The following DMD variants were observed in gnomAD, a reference collection of about 807,000 sequenced individuals.
DMD encodes mutant dystrophin.
In DMD, 63 loss-of-function variants were observed where a neutral mutation model predicts 330.1. The observed-to-expected ratio is 0.19, with a 90% confidence interval of 0.16 to 0.24. The LOEUF (loss-of-function observed/expected upper bound fraction) is 0.24, where lower values mean the gene tolerates loss of function less well. Among genes scored for constraint, DMD ranks in the 10% least tolerant of loss-of-function variants. The pLI is 1.00. For missense variants in DMD, 3,344 were observed against 2,684.1 expected (o/e 1.25, Z -5.43); for synonymous variants, 1,223 against 959.8 (o/e 1.27, Z -5.07).
chrX:31,743,112 A>G (rs1044524715), intron 51 of DMD, among the ~76,000 whole-genome samples: 9 of 111,884 alleles, frequency 8.0e-5, no homozygotes, highest in Non-Finnish European at 1.5e-4. Flanking sequence ...ACATCACTCA[A>G]CATCAGAGAA....
chrX:32,569,446 G>C (rs36122067), intron 15 of DMD, among the ~76,000 whole-genome samples: 47,252 of 110,880 alleles, frequency 0.43, 8,548 homozygotes, highest in Non-Finnish European at 0.57. Flanking sequence ...CATCTTGAAA[G>C]AACATCAGAA....
At chrX:31,525,647 T>C (rs1415570503) in intron 55 of DMD, among the ~76,000 whole-genome samples, 1 of 111,972 alleles carries the variant, frequency 8.9e-6, no homozygotes, top group East Asian at 2.8e-4. Flanking sequence ...AGAAAAATAA[T>C]GTACACTTTC....
intron 48 of DMD, among the ~76,000 whole-genome samples, chrX:31,873,926 A>G (rs750756864): frequency 9.0e-6 from 1 of 111,642 alleles, no homozygotes; most frequent in Non-Finnish European, 1.9e-5. Context: ...AGCATCATTT[A>G]CTGGATCCTA....
chrX:31,781,015 T>C (rs932458355), intron 50 of DMD, among the ~76,000 whole-genome samples: 2 of 112,222 alleles, frequency 1.8e-5, no homozygotes, highest in Admixed American at 1.9e-4. Flanking sequence ...TGCTTACATT[T>C]TAATAGATTC....
At chrX:31,892,615 C>G (rs866700698) in intron 47 of DMD, among the ~76,000 whole-genome samples, 1 of 111,959 alleles carries the variant, frequency 8.9e-6, no homozygotes, top group Non-Finnish European at 1.9e-5. Context: ...GTACATATAG[C>G]CTACTACACA....
chrX:33,240,959 A>G (rs1322052128), intron 1 of DMD, among the ~76,000 whole-genome samples: 2 of 111,818 alleles, frequency 1.8e-5, no homozygotes, highest in African/African-American at 6.5e-5. Flanking sequence ...TTGGCTACTA[A>G]CCCCTTATAA....
chrX:33,285,309 TTG>T (rs35975571), intron 1 of DMD, among the ~76,000 whole-genome samples: 3,489 of 106,658 alleles, frequency 0.033, 160 homozygotes, highest in African/African-American at 0.11. Flanking sequence ...ACGAATTCAT[TTG>T]TGTGTGTGTG....
At chrX:33,204,615 C>G (rs933190338) in intron 1 of DMD, among the ~76,000 whole-genome samples, 4 of 111,452 alleles carry the variant, frequency 3.6e-5, no homozygotes, top group Non-Finnish European at 5.6e-5. Context: ...ATTTAATATG[C>G]ACATCCTCCT....
intron 7 of DMD, among the ~76,000 whole-genome samples, chrX:32,804,394 A>G: frequency 8.9e-6 from 1 of 112,490 alleles, no homozygotes; most frequent in Non-Finnish European, 1.9e-5. Flanking sequence ...GTAGCTCAGC[A>G]AAGCCACTGT....
intron 2 of DMD, among the ~76,000 whole-genome samples, chrX:32,943,687 C>T (rs1393710321): frequency 9.0e-6 from 1 of 111,708 alleles, no homozygotes; most frequent in Non-Finnish European, 1.9e-5. Flanking sequence ...CCTGGAAATG[C>T]AATTGCTTAG....
intron 1 of DMD, among the ~76,000 whole-genome samples, chrX:33,236,093 T>G (rs2052475664): frequency 9.5e-6 from 1 of 104,781 alleles, no homozygotes; most frequent in Non-Finnish European, 1.9e-5. Context: ...TTTTTTTGTA[T>G]TTTTAGTAGA....
chrX:33,327,447 G>T (rs2054104866), intron 1 of DMD, among the ~76,000 whole-genome samples: 2 of 111,760 alleles, frequency 1.8e-5, no homozygotes, highest in Admixed American at 1.9e-4. Context: ...CTAAATGCAA[G>T]AAAAGTTTAG....
At chrX:32,128,347 T>A (rs2096671807) in intron 44 of DMD, among the ~76,000 whole-genome samples, 1 of 112,019 alleles carries the variant, frequency 8.9e-6, no homozygotes, top group South Asian at 3.7e-4. Flanking sequence ...AAATGGCATT[T>A]CAAAATTTAT....
intron 54 of DMD, among the ~76,000 whole-genome samples, chrX:31,636,491 AG>A (rs1357005142): frequency 9.0e-6 from 1 of 111,687 alleles, no homozygotes; most frequent in Non-Finnish European, 1.9e-5. Flanking sequence ...GAGGCTAATG[AG>A]GCAGGTTGTA....
intron 1 of DMD, among the ~76,000 whole-genome samples, chrX:33,071,191 C>T (rs1004324800): frequency 9.0e-6 from 1 of 110,922 alleles, no homozygotes; most frequent in Non-Finnish European, 1.9e-5. Context: ...GTGGCTCACA[C>T]CTGTAATCCC....
chrX:32,871,961 A>C (rs1407838469), intron 2 of DMD, among the ~76,000 whole-genome samples: 2 of 109,855 alleles, frequency 1.8e-5, no homozygotes, highest in Non-Finnish European at 1.9e-5. Context: ...AGCAGGCGAG[A>C]CTGAAAGTAT....
intron 71 of DMD, among the ~76,000 whole-genome samples, chrX:31,175,341 C>T (rs1028563820): frequency 1.8e-5 from 2 of 110,794 alleles, no homozygotes; most frequent in African/African-American, 6.5e-5. Flanking sequence ...CATATAAATC[C>T]AAAATACTTT....
At chrX:31,213,202 G>C (rs754761044) in intron 64 of DMD, among the ~76,000 whole-genome samples, 3 of 112,563 alleles carry the variant, frequency 2.7e-5, no homozygotes, top group Non-Finnish European at 5.6e-5. Context: ...TTCCAGAGAG[G>C]CTGGAGTTGG....
intron 71 of DMD, among the ~76,000 whole-genome samples, chrX:31,174,782 C>A (rs2040344544): frequency 9.0e-6 from 1 of 111,618 alleles, no homozygotes; most frequent in Non-Finnish European, 1.9e-5. Flanking sequence ...GCCAGAAATT[C>A]ATATTTCTTA....
Sources: allele counts gnomAD v4.1 joint callset (sites outside exome capture counted in the v4.1 genomes callset), GRCh38; gene constraint gnomAD v4.1.1; transcripts MANE v1.5; gene names NCBI Gene and HGNC (gene_info 2026-07-23, HGNC 2026-07-21).